The following PFKFB2 variants were observed in gnomAD, a reference collection of about 807,000 sequenced individuals.
PFKFB2 encodes 6-phosphofructo-2-kinase/fructose-2,6-bisphosphatase 2.
In PFKFB2, 53 loss-of-function variants were observed where a neutral mutation model predicts 68.0. The observed-to-expected ratio is 0.78, with a 90% CI of 0.63 to 0.98. The LOEUF is 0.98. Ranked by LOEUF, PFKFB2 falls within the 50% of genes least tolerant of loss-of-function variation. The pLI, the probability that PFKFB2 is intolerant of heterozygous loss-of-function variation, is 0.00. For missense variants in PFKFB2, 451 were observed against 642.0 expected (o/e 0.70, Z 3.22); for synonymous variants, 222 against 227.6 (o/e 0.98, Z 0.22).
chr1:207,051,073 T>A (rs1195868201), upstream of PFKFB2: 28 of 1,463,442 alleles, frequency 1.9e-5, no homozygotes, highest in Middle Eastern at 2.2e-4. Flanking sequence ...GACGCTTCGG[T>A]GCGGCTTCTG....
chr1:207,076,453 C>T lies in PFKFB2; in HGVS notation c.*4082C>T. 2 of 985,248 alleles carry T rather than the reference C, an allele frequency of 2.0e-6. No individual in the cohort carries two copies. The highest frequency in any genetic ancestry group is 2.4e-6 in the Non-Finnish European group (2 of 829,852). The allele number at this position is 985,248 out of a possible 1,614,324, so 61.0% of individuals were successfully genotyped here. A position where few individuals can be genotyped will look rare whatever the true frequency, so the allele number is the denominator to read the frequency against. On this transcript the variant is annotated 3_prime_UTR_variant, in exon 15 of 15. Coordinates refer to ENST00000367080, the MANE Select transcript of PFKFB2 (RefSeq NM_006212.2). ...TGTTAAGAAATTTGATAGATTTACC[C>T]AGCTTTTCTATGTATTTTGACTTAT...
At position 207,063,372 on chromosome 1, in the gene PFKFB2, G is replaced by A. The variant is rs770977759; in HGVS notation, c.401G>A (p.Arg134Gln). 9.9e-6 allele frequency: 16 copies of A among 1,613,512 alleles called. No homozygotes were observed. The highest frequency in any genetic ancestry group is 4.0e-5 in the African/African-American group (3 of 74,874). ...GTGTTTGATGCCACCAATACAACCC[G>A]GGAGAGGAGGGACATGATTTTGAAC... The part of the protein sequence containing the change: ...IAVFDATNTT[R>Q]ERRDMILNFA... The change falls in exon 6 of 15, where the codon CGG becomes CAG. Residue 134 changes from arginine (R) to glutamine (Q), a missense_variant. Physicochemically the swap from Arg to Gln is conservative, Grantham distance 43. Coordinates refer to ENST00000367080, the MANE Select transcript of PFKFB2 (RefSeq NM_006212.2). This position sits in a 1 kb window ranked among gnomAD's most constrained non-coding sequence, Gnocchi z 4.1.
In PFKFB2 at chr1:207,074,046, A is replaced by G. The variant is rs1683549826; in HGVS notation, c.*1675A>G. 2 of 916,338 alleles carry G rather than the reference A, an allele frequency of 2.2e-6. No homozygotes were observed. The highest frequency in any genetic ancestry group is 5.0e-5 in the South Asian group (1 of 19,962). The allele number at this position is 916,338 out of a possible 1,614,324, so 56.8% of individuals were successfully genotyped here. On this transcript the variant is annotated 3_prime_UTR_variant, in exon 15 of 15. Coordinates refer to ENST00000367080, the MANE Select transcript of PFKFB2 (RefSeq NM_006212.2). ...GAATTGCCTTTAGGATTGTTGAATC[A>G]TAAACATGCCTGTGTCCACCTTATG...
chr1:207,051,040 T>C, upstream of PFKFB2: 2 of 1,491,224 alleles, frequency 1.3e-6, no homozygotes, highest in Non-Finnish European at 8.9e-7. Flanking sequence ...TCGCGAGAAG[T>C]TGCGGGTGGT....
chr1:207,044,637 T>C (rs1682550806), intron 2 of PFKFB2: 1 of 152,316 alleles, frequency 6.6e-6, no homozygotes, highest in Admixed American at 6.5e-5. Flanking sequence ...TTTCATACTT[T>C]AATGATAAGC....
At chr1:207,038,094 A>G (rs1351834406) in intron 1 of PFKFB2, among the ~76,000 whole-genome samples, 3 of 152,220 alleles carry the variant, frequency 2.0e-5, no homozygotes, top group Non-Finnish European at 2.9e-5. Context: ...TTTGAGGAAC[A>G]TCAATCTGAT....
At position 207,037,982 on chromosome 1, in the gene PFKFB2, G is replaced by A. The variant is rs1470901863; in HGVS notation, c.-62+3510G>A. On this transcript the variant is annotated intron_variant, in intron 1 of 5. Coordinates refer to the PFKFB2 transcript ENST00000545806. ...AATGCTAACTATGATAATGCTCACC[G>A]TCATCACTTCCATATGTTACTGTAG... is the stretch of plus-strand genomic sequence containing the variant. Among the ~76,000 whole-genome samples, 4 of 152,174 alleles carry A rather than the reference G, an allele frequency of 2.6e-5. No individual in the cohort carries two copies. The South Asian group carries it at 8.3e-4, about 32-fold the overall frequency.
rs1258050247 is a variant in PFKFB2 at position 207,046,243 on chromosome 1, T to A, written c.-18+4031T>A. 4 of 152,050 alleles carry A rather than the reference T, an allele frequency of 2.6e-5. No individual in the cohort carries two copies. The East Asian group carries it at 7.7e-4, about 29-fold the overall frequency. The allele number at this position is 152,050 out of a possible 1,614,324, so 9.4% of individuals were successfully genotyped here. ...CAAAAACTCAATGAATAGGAAAGAT[T>A]TCATTCTGCTCTAGTACAAAACTTA... is the stretch of plus-strand genomic sequence containing the variant. On this transcript the variant is annotated intron_variant, in intron 2 of 5. Transcript: ENST00000545806.
In PFKFB2 at chr1:207,071,563, A is replaced by T. The variant is rs1435766225; in HGVS notation, c.1340A>T (p.Asp447Val). Residue 447 changes from aspartate to valine, a missense_variant, in exon 14 of 15, where the codon GAC becomes GTC. By Grantham distance (152) the Asp-to-Val change is radical. Transcript: ENST00000367080. ...GTGGAGGCTGTGAACACGCACCGTG[A>T]CAAGCCAACTGTAAGTATTTTCCCA... ...LNVEAVNTHRDKPTNNFPKNQ... is the reference protein window; with the variant it reads ...LNVEAVNTHRVKPTNNFPKNQ... 2 of 1,613,274 alleles carry T rather than the reference A, an allele frequency of 1.2e-6. No homozygotes were observed. The highest frequency in any genetic ancestry group is 3.3e-5 in the Admixed American group (2 of 60,030).
chr1:207,071,429 T>C (rs1683462429), intron 13 of PFKFB2, 80 bp from the exon 14 acceptor site: 6 of 1,219,720 alleles, frequency 4.9e-6, no homozygotes, highest in Non-Finnish European at 7.3e-6. Flanking sequence ...GTACATTCCT[T>C]TGTGGTATAC....
chr1:207,066,053 T>G (rs1006079719), intron 8 of PFKFB2, among the ~76,000 whole-genome samples: 1 of 152,234 alleles, frequency 6.6e-6, no homozygotes. Context: ...ATATTACATA[T>G]TGCATATTTT....
In PFKFB2 at chr1:207,062,715, A is replaced by G. The variant is rs1683154238; in HGVS notation, c.307A>G (p.Lys103Glu). The G allele has an allele frequency of 1.2e-6, 2 of 1,613,550 alleles. No individual in the cohort carries two copies. Among genetic ancestry groups the G allele is most frequent in the South Asian group, 2.2e-5 (2 of 91,024 alleles). Residue 103 changes from lysine to glutamate, a missense_variant and splice_region_variant, in exon 4 of 15, where the codon AAA becomes GAA. Physicochemically the swap from Lys to Glu is moderately conservative, Grantham distance 56. Coordinates refer to ENST00000367080, the MANE Select transcript of PFKFB2 (RefSeq NM_006212.2). ...HDNEEAMKIRKQCALVALEDV... is the reference protein window; with the variant it reads ...HDNEEAMKIREQCALVALEDV... ...CAATGAGGAGGCCATGAAGATCCGCAAGTGAGTCTTGTTTAAGGCCTGATC... is the reference window on the plus strand; with the variant it reads ...CAATGAGGAGGCCATGAAGATCCGCGAGTGAGTCTTGTTTAAGGCCTGATC...
chr1:207,073,346 A>G lies in PFKFB2; in HGVS notation c.*975A>G. The G allele has an allele frequency of 2.0e-6, 2 of 985,416 alleles. No homozygotes were observed. The highest frequency in any genetic ancestry group is 9.4e-5 in the South Asian group (2 of 21,280). The allele number at this position is 985,416 out of a possible 1,614,324, so 61.0% of individuals were successfully genotyped here. On this transcript the variant is annotated 3_prime_UTR_variant, in exon 15 of 15. Transcript: ENST00000367080. Reference sequence around the variant, plus strand: ...ATGACTCTCAGGTTCTTTGCCAATCACAGCAACTTTTCCTGCCAAAGCCAG... The same window carrying G: ...ATGACTCTCAGGTTCTTTGCCAATCGCAGCAACTTTTCCTGCCAAAGCCAG...
chr1:207,038,794 A>G (rs1682425835), intron 1 of PFKFB2, among the ~76,000 whole-genome samples: 1 of 152,230 alleles, frequency 6.6e-6, no homozygotes, highest in Non-Finnish European at 1.5e-5. Context: ...ATGAACTACA[A>G]AAGGATCTCA....
chr1:207,077,010 T>G lies in PFKFB2; in HGVS notation c.*4639T>G, dbSNP rs1041217221. The G allele has an allele frequency of 1.0e-6, 1 of 980,152 alleles. No individual in the cohort carries two copies. Among genetic ancestry groups the G allele is most frequent in the East Asian group, 1.1e-4 (1 of 8,800 alleles). The allele number at this position is 980,152 out of a possible 1,614,324, so 60.7% of individuals were successfully genotyped here. A position where few individuals can be genotyped will look rare whatever the true frequency, so the allele number is the denominator to read the frequency against. ...TATGATTTTAAATAGATATTTCTTATATAGTAGTGGCCAAATTCTCATTAT... is the reference window on the plus strand; with the variant it reads ...TATGATTTTAAATAGATATTTCTTAGATAGTAGTGGCCAAATTCTCATTAT... On this transcript the variant is annotated 3_prime_UTR_variant, in exon 15 of 15. Transcript: ENST00000367080.
In PFKFB2 at chr1:207,076,755, A is replaced by T. The variant is rs904372062; in HGVS notation, c.*4384A>T. 55 of 976,022 alleles carry T rather than the reference A, an allele frequency of 5.6e-5. No individual in the cohort carries two copies. Among genetic ancestry groups the T allele is most frequent in the Non-Finnish European group, 6.7e-5 (55 of 826,234 alleles). The allele number at this position is 976,022 out of a possible 1,614,324, so 60.5% of individuals were successfully genotyped here. ...TTGACTCTAGTAGGATCTGTTTGTCACTGACAGACTGTAGTAGTGTCTGTG... is the reference window on the plus strand; with the variant it reads ...TTGACTCTAGTAGGATCTGTTTGTCTCTGACAGACTGTAGTAGTGTCTGTG... On this transcript the variant is annotated 3_prime_UTR_variant, in exon 15 of 15. Transcript: ENST00000367080.
chr1:207,048,108 C>T (rs1044932259), intron 2 of PFKFB2: 8 of 152,510 alleles, frequency 5.2e-5, no homozygotes, highest in South Asian at 2.1e-4. Context: ...ACTGAGGACT[C>T]GAATTTCAAG....
intron 1 of PFKFB2, among the ~76,000 whole-genome samples, chr1:207,035,628 T>C (rs937761132): frequency 8.6e-5 from 13 of 151,318 alleles, no homozygotes; most frequent in African/African-American, 3.2e-4. Context: ...ACTCCAGCCT[T>C]GGTGACAGAG....
chr1:207,071,574 G>C lies in PFKFB2; in HGVS notation c.1350+1G>C, dbSNP rs755573907. 2 of 1,611,960 alleles carry C rather than the reference G, an allele frequency of 1.2e-6. No individual in the cohort carries two copies. The highest frequency in any genetic ancestry group is 1.7e-5 in the Admixed American group (1 of 60,014). ...GAACACGCACCGTGACAAGCCAACT[G>C]TAAGTATTTTCCCACGATGAACACA... is the stretch of plus-strand genomic sequence containing the variant. On this transcript the variant is annotated splice_donor_variant, in intron 14 of 14. Coordinates refer to ENST00000367080, the MANE Select transcript of PFKFB2 (RefSeq NM_006212.2). LOFTEE classifies it high-confidence loss of function.
Sources: gnomAD v4.1 joint callset for allele counts (sites outside exome capture counted in the v4.1 genomes callset) on GRCh38, gnomAD v4.1.1 for gene constraint, Gnocchi (gnomAD v3.1) non-coding constraint, MANE v1.5 for transcripts, NCBI Gene and HGNC (gene_info 2026-07-23, HGNC 2026-07-21) for gene names.